The following MFF variants were observed in gnomAD, a reference collection of about 807,000 sequenced individuals.
MFF encodes the protein mitochondrial fission factor.
A neutral mutation model predicts 36.9 loss-of-function variants in MFF; 12 were observed. The observed-to-expected ratio is 0.33, with a 90% CI of 0.21 to 0.53. MFF has a LOEUF of 0.53. Among genes scored for constraint, MFF ranks in the 20% least tolerant of loss-of-function variants. The probability of loss-of-function intolerance (pLI) is 0.95; values close to 1 mark genes in which losing one functional copy is unlikely to be tolerated. For missense variants in MFF, 348 were observed against 366.6 expected (o/e 0.95, Z 0.42); for synonymous variants, 99 against 126.2 (o/e 0.78, Z 1.44).
At position 227,357,172 on chromosome 2, in the gene MFF, T is replaced by A. The variant is rs1412785721; in HGVS notation, c.*55T>A. ...TCAACAGCTGGAAATATAAAAGATT[T>A]GCAAACTTCTTTGTTTCTGTCTCTG... On this transcript the variant is annotated 3_prime_UTR_variant, in exon 9 of 9. Transcript: ENST00000304593. 3.8e-6 allele frequency: 6 copies of A among 1,574,118 alleles called. No homozygotes were observed. The East Asian group carries it at 1.3e-4, about 35-fold the overall frequency.
rs77017294 is a variant in MFF at position 227,331,047 on chromosome 2, C to T, written c.181+201C>T. 0.13 allele frequency among the ~76,000 whole-genome samples: 20,456 copies of T among 152,108 alleles called. 1,434 individuals are homozygous for T. Among genetic ancestry groups the T allele is most frequent in the Non-Finnish European group, 0.15 (10,170 of 67,994 alleles). On this transcript the variant is annotated intron_variant, in intron 3 of 8. Coordinates refer to ENST00000304593, the MANE Select transcript of MFF (RefSeq NM_001277062.2). ...TTCAACTAATTATTGAGGTTTTACACACATAAAATGTATACATTTTTAAGT... is the reference window on the plus strand; with the variant it reads ...TTCAACTAATTATTGAGGTTTTACATACATAAAATGTATACATTTTTAAGT...
At chr2:227,348,477 A>T (rs1264566288) in intron 6 of MFF, among the ~76,000 whole-genome samples, 1 of 152,174 alleles carries the variant, frequency 6.6e-6, no homozygotes, top group Admixed American at 6.6e-5. Flanking sequence ...AAGAAAGCTC[A>T]TGGCATGAGG....
At position 227,332,503 on chromosome 2, in the gene MFF, C is replaced by T; in HGVS notation, c.266C>T (p.Thr89Ile). The change falls in exon 4 of 9, where the codon ACA becomes ATA. Residue 89 changes from threonine to isoleucine, a missense_variant. Coordinates refer to ENST00000304593, the MANE Select transcript of MFF (RefSeq NM_001277062.2). ...CCCTTTAAACCCCTGGCACTGAAAA[C>T]ACCACCTCGTGTACTTACGCTGAGT... ...STPFKPLALK[T>I]PPRVLTLSER... The T allele has an allele frequency of 2.5e-6, 4 of 1,613,520 alleles. No homozygotes were observed. Among genetic ancestry groups the T allele is most frequent in the Non-Finnish European group, 3.4e-6 (4 of 1,179,492 alleles).
Position 227,357,280 on chromosome 2 carries a change from T to A in MFF, c.*163T>A. 1 of 720,254 alleles carries A rather than the reference T, an allele frequency of 1.4e-6. No homozygotes were observed. The highest frequency in any genetic ancestry group is 2.2e-6 in the Non-Finnish European group (1 of 453,558). The allele number at this position is 720,254 out of a possible 1,614,324, so 44.6% of individuals were successfully genotyped here. A position where few individuals can be genotyped will look rare whatever the true frequency, so the allele number is the denominator to read the frequency against. ...GAGGAAGGACCTATATTTGTAGAAG[T>A]AAAGGTATATTCTGTCACTCAGCTG... On this transcript the variant is annotated 3_prime_UTR_variant, in exon 9 of 9. Coordinates refer to ENST00000304593, the MANE Select transcript of MFF (RefSeq NM_001277062.2).
intron 1 of MFF, 60 bp from the exon 2 acceptor site, chr2:227,328,618 A>G (rs889047394): frequency 4.6e-5 from 7 of 152,200 alleles, no homozygotes; most frequent in African/African-American, 1.7e-4. Flanking sequence ...ATTTCCAGTA[A>G]TGAATCCCTA....
chr2:227,326,869 G>A (rs1265292051), intron 1 of MFF, among the ~76,000 whole-genome samples: 1 of 152,124 alleles, frequency 6.6e-6, no homozygotes, highest in African/African-American at 2.4e-5. Flanking sequence ...TTTGACTCAA[G>A]TTGTTTCGGT....
At chr2:227,330,156 G>C (rs966007341) in intron 2 of MFF, 2 of 176,432 alleles carry the variant, frequency 1.1e-5, no homozygotes, top group African/African-American at 4.7e-5. Flanking sequence ...GTCATTTAAA[G>C]GTTTTGAATA....
rs571729861 is a variant in MFF, at chr2:227,356,960, T to C, written c.745-26T>C. 1.4e-5 allele frequency: 22 copies of C among 1,583,014 alleles called. No individual in the cohort carries two copies. In the South Asian group the frequency reaches 2.1e-4, roughly 15 times the overall value. On this transcript the variant is annotated intron_variant, in intron 8 of 8. Coordinates refer to ENST00000304593, the MANE Select transcript of MFF (RefSeq NM_001277062.2). The stretch of plus-strand genomic sequence containing the variant: ...ATTCATTAAAGCCTCTATATTATAT[T>C]TTTTGTGTGTTTGTTTTTCACTTAG...
chr2:227,351,536 G>C (rs1013858642), intron 6 of MFF: 3 of 152,132 alleles, frequency 2.0e-5, no homozygotes, highest in African/African-American at 7.2e-5. Context: ...GTTACTTAGA[G>C]AATGAGATAT....
chr2:227,338,833 TCAAAAAAAAA>T (rs925843625), intron 4 of MFF, among the ~76,000 whole-genome samples: 2 of 131,996 alleles, frequency 1.5e-5, no homozygotes, highest in African/African-American at 5.1e-5. Context: ...AGACTCTGTC[TCAAAAAAAAA>T]CAAAAAAAAA....
At chr2:227,351,046 T>C (rs2106450948) in intron 6 of MFF, among the ~76,000 whole-genome samples, 1 of 152,316 alleles carries the variant, frequency 6.6e-6, no homozygotes, top group South Asian at 2.1e-4. Flanking sequence ...GACAGACCCA[T>C]TTGAACATAC....
intron 6 of MFF, 107 bp from the exon 7 acceptor site, chr2:227,352,407 C>A: frequency 1.2e-6 from 1 of 813,324 alleles, no homozygotes; most frequent in Non-Finnish European, 2.1e-6. Flanking sequence ...TTGAAATATA[C>A]AATATAATCC....
chr2:227,347,210 G>T lies in MFF; in HGVS notation c.441-16G>T. The T allele has an allele frequency of 6.2e-7, 1 of 1,606,750 alleles. No homozygotes were observed. Among genetic ancestry groups the T allele is most frequent in the Non-Finnish European group, 8.5e-7 (1 of 1,174,376 alleles). ...TTGAGTGTTTTTCTCTTCATTTGCT[G>T]TGCTTGTGTAAACAGTGTGACACCA... On this transcript the variant is annotated splice_polypyrimidine_tract_variant and intron_variant, in intron 5 of 8. Transcript: ENST00000304593.
intron 8 of MFF, among the ~76,000 whole-genome samples, chr2:227,356,701 G>A (rs559420057): frequency 4.6e-5 from 7 of 152,174 alleles, no homozygotes; most frequent in East Asian, 3.9e-4. Flanking sequence ...GTAGGTAACC[G>A]CTTCCTCACC....
Position 227,327,695 on chromosome 2 carries a change from A to C in MFF, c.-152-983A>C, listed in dbSNP as rs543797957. 1.0e-3 allele frequency among the ~76,000 whole-genome samples: 157 copies of C among 152,332 alleles called. 2 individuals are homozygous for C. The highest frequency in any genetic ancestry group is 0.01 in the Middle Eastern group (3 of 294). ...GAGACCTATGAGATGTACTACTAGA[A>C]AGTTCGTAAGACTGAAATGCAATGA... is the stretch of plus-strand genomic sequence containing the variant. On this transcript the variant is annotated intron_variant, in intron 1 of 8. Coordinates refer to ENST00000304593, the MANE Select transcript of MFF (RefSeq NM_001277062.2).
At chr2:227,352,284 A>C in intron 6 of MFF, 1 of 442,144 alleles carries the variant, frequency 2.3e-6, no homozygotes, top group Non-Finnish European at 4.0e-6. Context: ...TCGTGTAAAT[A>C]TAGATTCCCT....
intron 2 of MFF, 157 bp downstream of exon 2, chr2:227,328,946 T>C (rs570124653): frequency 2.7e-4 from 41 of 152,356 alleles, no homozygotes; most frequent in African/African-American, 9.9e-4. Flanking sequence ...CTGAGCGTCC[T>C]GAGCAACCTC....
chr2:227,342,005 T>C (rs1363534134), intron 5 of MFF, among the ~76,000 whole-genome samples: 1 of 152,136 alleles, frequency 6.6e-6, no homozygotes, highest in East Asian at 1.9e-4. Flanking sequence ...GTAGATGATA[T>C]AGATGTTTTT....
Position 227,340,323 on chromosome 2 carries a change from G to A in MFF, c.383G>A (p.Arg128Gln), listed in dbSNP as rs140493973. ...GCAGTTGGCAGACTAAAAAGAGAGC[G>A]GTCTATGAGTGAAAATGCTGTTCGC... Reference protein sequence around the residue: ...IRAVGRLKRERSMSENAVRQN... With the variant: ...IRAVGRLKREQSMSENAVRQN... Residue 128 changes from arginine (R) to glutamine (Q), a missense_variant, in exon 5 of 9, where the codon CGG becomes CAG. Arg to Gln is a conservative substitution (Grantham distance 43). Transcript: ENST00000304593. The A allele has an allele frequency of 2.2e-4, 360 of 1,613,922 alleles. 1 individual carries two copies. Among genetic ancestry groups the A allele is most frequent in the East Asian group, 2.0e-3 (91 of 44,870 alleles).
Sources: gnomAD v4.1 joint callset for allele counts (sites outside exome capture counted in the v4.1 genomes callset) on GRCh38, gnomAD v4.1.1 for gene constraint, MANE v1.5 for transcripts, NCBI Gene and HGNC (gene_info 2026-07-23, HGNC 2026-07-21) for gene names.